The following SYT14 variants were observed in gnomAD, a reference collection of about 807,000 sequenced individuals.
The protein encoded by SYT14 is synaptotagmin-14.
Under a neutral mutation model 74.2 loss-of-function variants are expected in SYT14, and 32 were observed. The ratio of observed to expected loss-of-function variants is 0.43; its 90% CI spans 0.33 to 0.58. The LOEUF (loss-of-function observed/expected upper bound fraction) is 0.58, where lower values mean the gene tolerates loss of function less well. SYT14 is among the 20% of genes least tolerant of loss of function. The pLI, the probability that SYT14 is intolerant of heterozygous loss-of-function variation, is 0.05. For missense variants in SYT14, 791 were observed against 981.8 expected (o/e 0.81, Z 2.60); for synonymous variants, 298 against 337.7 (o/e 0.88, Z 1.29).
At chr1:210,079,883 T>G (rs2081587077) in intron 5 of SYT14, among the ~76,000 whole-genome samples, 1 of 152,214 alleles carries the variant, frequency 6.6e-6, no homozygotes, top group South Asian at 2.1e-4. Flanking sequence ...AACATTGTAA[T>G]TTTGGACAAT....
At chr1:210,106,712 G>A (rs1412606539) in intron 7 of SYT14, among the ~76,000 whole-genome samples, 2 of 152,074 alleles carry the variant, frequency 1.3e-5, no homozygotes, top group African/African-American at 4.8e-5. Flanking sequence ...CATGGAGGCG[G>A]GATTATGGGA....
At chr1:210,028,629 C>G (rs1419663240) in intron 5 of SYT14, among the ~76,000 whole-genome samples, 3 of 152,068 alleles carry the variant, frequency 2.0e-5, no homozygotes, top group Non-Finnish European at 2.9e-5. Flanking sequence ...CTGAATAATA[C>G]TCTGTTTTGT....
chr1:210,109,799 C>G (rs1340627739), intron 7 of SYT14, among the ~76,000 whole-genome samples: 1 of 152,074 alleles, frequency 6.6e-6, no homozygotes, highest in Non-Finnish European at 1.5e-5. Flanking sequence ...AATCATTCTG[C>G]TATAGAGACA....
intron 2 of SYT14, among the ~76,000 whole-genome samples, chr1:209,955,973 C>T (rs1348068860): frequency 6.6e-6 from 1 of 152,120 alleles, no homozygotes. Flanking sequence ...TTTTTATAAT[C>T]AATATTGTTT....
intron 5 of SYT14, among the ~76,000 whole-genome samples, chr1:210,062,341 T>C (rs926644352): frequency 2.6e-5 from 4 of 151,898 alleles, no homozygotes; most frequent in African/African-American, 9.7e-5. Flanking sequence ...GCAAATATAA[T>C]AACTTGTTTT....
chr1:210,099,916 G>C (rs1185440752), intron 6 of SYT14, 96 bp from the exon 6 acceptor site: 5 of 1,220,498 alleles, frequency 4.1e-6, no homozygotes, highest in Non-Finnish European at 5.8e-6. Context: ...TGGCAGAATT[G>C]TTTTCACATC....
chr1:210,110,724 T>C (rs1488859197), intron 7 of SYT14, among the ~76,000 whole-genome samples: 2 of 152,220 alleles, frequency 1.3e-5, no homozygotes, highest in African/African-American at 4.8e-5. Context: ...TTAAATCATA[T>C]CTTTATAGAA....
At chr1:210,039,510 C>T (rs1203677107) in intron 5 of SYT14, among the ~76,000 whole-genome samples, 1 of 152,130 alleles carries the variant, frequency 6.6e-6, no homozygotes, top group Non-Finnish European at 1.5e-5. Context: ...AAAGCAATGG[C>T]AACAGAAGCC....
intron 8 of SYT14, among the ~76,000 whole-genome samples, chr1:210,158,542 T>C (rs1459968523): frequency 2.6e-5 from 4 of 152,210 alleles, no homozygotes; most frequent in East Asian, 1.9e-4. Flanking sequence ...GTAGTCACTC[T>C]GATAGAAACA....
At chr1:209,961,178 G>C (rs1158142790) in intron 2 of SYT14, among the ~76,000 whole-genome samples, 3 of 152,020 alleles carry the variant, frequency 2.0e-5, no homozygotes, top group Admixed American at 2.0e-4. Flanking sequence ...CCTTCTTTTG[G>C]TAGTGTTTCA....
chr1:210,136,740 C>T (rs1005428241), intron 7 of SYT14, among the ~76,000 whole-genome samples: 3 of 152,092 alleles, frequency 2.0e-5, no homozygotes, highest in Admixed American at 6.5e-5. Context: ...TGGCGAAGAC[C>T]TCACCGTAGC....
intron 2 of SYT14, among the ~76,000 whole-genome samples, chr1:209,963,475 T>A (rs1312028060): frequency 6.6e-6 from 1 of 152,226 alleles, no homozygotes; most frequent in Non-Finnish European, 1.5e-5. Context: ...ATGGGATATA[T>A]ACTAAGTAAT....
chr1:210,016,846 A>T (rs542252984), exon 4 of SYT14: 1 of 1,231,802 alleles, frequency 8.1e-7, no homozygotes, highest in East Asian at 3.2e-5. Flanking sequence ...CAGGAAATGA[A>T]TGTTCTTTAA....
chr1:209,979,685 G>C (rs1038625088), intron 2 of SYT14, among the ~76,000 whole-genome samples: 1 of 152,096 alleles, frequency 6.6e-6, no homozygotes, highest in African/African-American at 2.4e-5. Flanking sequence ...CCTCCCACTT[G>C]TAAGTGAGAA....
At chr1:209,973,839 T>G (rs1323954060) in intron 2 of SYT14, among the ~76,000 whole-genome samples, 1 of 152,180 alleles carries the variant, frequency 6.6e-6, no homozygotes, top group Non-Finnish European at 1.5e-5. Flanking sequence ...AGTGTAAAAG[T>G]GTTCCTATTT....
At chr1:210,062,739 CTTATA>C in intron 5 of SYT14, among the ~76,000 whole-genome samples, 1 of 151,946 alleles carries the variant, frequency 6.6e-6, no homozygotes, top group African/African-American at 2.4e-5. Flanking sequence ...ATCTTTGACA[CTTATA>C]TTTTAATTTA....
chr1:209,986,000 T>C (rs1013976516), intron 2 of SYT14, among the ~76,000 whole-genome samples: 11 of 152,158 alleles, frequency 7.2e-5, no homozygotes, highest in African/African-American at 2.7e-4. Context: ...CTTCAAGACC[T>C]TTGGTTGGAA....
In SYT14 at chr1:209,947,505, CTAGAAT is replaced by C. The variant is rs574569634; in HGVS notation, c.-533-5198_-533-5193del. On this transcript the variant is annotated intron_variant, in intron 1 of 9. Transcript: ENST00000637265. ...AGATGAGGTGGAACTAGCAAGAGAA[CTAGAAT>C]TAGAAGTGGAGCCTGAATATGTGAC... Among the ~76,000 whole-genome samples the C allele has an allele frequency of 7.9e-5, 12 of 152,262 alleles. No homozygotes were observed. In the South Asian group the frequency reaches 1.5e-3, roughly 18 times the overall value.
At chr1:210,102,956 G>T (rs2082094908) in intron 7 of SYT14, among the ~76,000 whole-genome samples, 1 of 152,072 alleles carries the variant, frequency 6.6e-6, no homozygotes, top group South Asian at 2.1e-4. Flanking sequence ...GGGATTACAG[G>T]CATGAGGCAC....
Sources: allele counts gnomAD v4.1 joint callset (sites outside exome capture counted in the v4.1 genomes callset), GRCh38; gene constraint gnomAD v4.1.1; transcripts MANE v1.5; gene names NCBI Gene and HGNC (gene_info 2026-07-23, HGNC 2026-07-21).